FAM171A1: variants seen among roughly 807,000 people sequenced by gnomAD.
FAM171A1 encodes family with sequence similarity 171 member A1, also known as protein FAM171A1.
FAM171A1 carries 23 observed loss-of-function variants against 74.9 expected under a neutral mutation model. That is an observed-to-expected ratio of 0.31 (90% CI 0.22 to 0.44). FAM171A1 has a LOEUF of 0.44. Among genes scored for constraint, FAM171A1 ranks in the 20% least tolerant of loss-of-function variants. The pLI is 1.00. For missense variants in FAM171A1, 1,162 were observed against 1,159.2 expected, an observed-to-expected ratio of 1.00 and a Z score of -0.03; for synonymous variants, 527 against 505.7, an observed-to-expected ratio of 1.04 and a Z score of -0.57.
intron 5 of FAM171A1, 106 bp from the exon 6 acceptor site, chr10:15,221,166 G>T: frequency 3.3e-6 from 3 of 907,404 alleles, no homozygotes; most frequent in South Asian, 4.3e-5. Context: ...TCATGTTTAT[G>T]ACCTATAAGA....
chr10:15,248,775 G>T lies in FAM171A1; in HGVS notation c.618C>A (p.Val206=), dbSNP rs1180570170. The T allele has an allele frequency of 1.2e-6, 2 of 1,613,020 alleles. No individual in the cohort carries two copies. Among genetic ancestry groups the T allele is most frequent in the African/African-American group, 1.3e-5 (1 of 74,880 alleles). ...CATTACTGCTCAGCAAGTGGACGCTGACGGCTGTGACTGGGGTCAGGTCAT... is the reference window on the plus strand; with the variant it reads ...CATTACTGCTCAGCAAGTGGACGCTTACGGCTGTGACTGGGGTCAGGTCAT... ...TRHDLTPVTA[V]SVHLLSSNGT... is the part of the protein sequence containing the mutation. Residue 206 remains valine, a synonymous_variant, in exon 5 of 8, where the codon GTC becomes GTA. Coordinates refer to ENST00000378116, the MANE Select transcript of FAM171A1 (RefSeq NM_001010924.2).
At chr10:15,287,149 T>G (rs1320187395) in intron 1 of FAM171A1, among the ~76,000 whole-genome samples, 5 of 145,154 alleles carry the variant, frequency 3.4e-5, no homozygotes, top group Admixed American at 1.4e-4. Context: ...TAGAGTGCAG[T>G]GGTGCGATCT....
rs756202833 is a variant in FAM171A1, at chr10:15,213,842, G to T, written c.1746C>A (p.Val582=). Residue 582 remains valine, a synonymous_variant, in exon 8 of 8, where the codon GTC becomes GTA. Coordinates refer to ENST00000378116, the MANE Select transcript of FAM171A1 (RefSeq NM_001010924.2). The surrounding 1 kb of genome is among the most constrained non-coding windows in gnomAD (Gnocchi z 6.8). ...GGAGTTTCATATAATGAGCCGGGAT[G>T]ACCAAGGCAGGCAGTACTTTCCTGT... The part of the protein sequence containing the change: ...SVYRKVLPAL[V]IPAHYMKLPG... 2.5e-6 allele frequency: 4 copies of T among 1,614,166 alleles called. No individual in the cohort carries two copies. Among genetic ancestry groups the T allele is most frequent in the South Asian group, 2.2e-5 (2 of 91,076 alleles).
At chr10:15,277,851 C>T (rs780730428) in intron 2 of FAM171A1, among the ~76,000 whole-genome samples, 20 of 152,110 alleles carry the variant, frequency 1.3e-4, no homozygotes, top group Admixed American at 1.2e-3. Context: ...CTGCCTCCCA[C>T]GTTCAAGCTA....
intron 1 of FAM171A1, among the ~76,000 whole-genome samples, chr10:15,313,967 A>G (rs941416716): frequency 2.6e-5 from 4 of 152,226 alleles, no homozygotes; most frequent in African/African-American, 9.6e-5. Flanking sequence ...CGATCTGCAT[A>G]GTGCAAGGCA....
Position 15,272,690 on chromosome 10 carries a change from G to A in FAM171A1, c.418+3165C>T, listed in dbSNP as rs572335581. On this transcript the variant is annotated intron_variant, in intron 3 of 7. Transcript: ENST00000378116. ...AAAAGAACAGAAATTATAACAAATT[G>A]TCTCTCAGACCACAGTGCAATCAAA... 4.6e-5 allele frequency among the ~76,000 whole-genome samples: 7 copies of A among 152,264 alleles called. No homozygotes were observed. The East Asian group carries it at 5.8e-4, about 13-fold the overall frequency.
intron 1 of FAM171A1, among the ~76,000 whole-genome samples, chr10:15,323,281 C>T (rs529829332): frequency 1.6e-4 from 25 of 151,992 alleles, no homozygotes; most frequent in African/African-American, 5.5e-4. Flanking sequence ...GGTGAAACCC[C>T]GCCTCTACTA....
chr10:15,318,433 G>A (rs556508275), intron 1 of FAM171A1, among the ~76,000 whole-genome samples: 1 of 152,308 alleles, frequency 6.6e-6, no homozygotes, highest in East Asian at 1.9e-4. Flanking sequence ...CGTGCGGTAA[G>A]TCTATACAGA....
chr10:15,374,279 T>G (rs1836179504), upstream of FAM171A1, among the ~76,000 whole-genome samples: 1 of 152,158 alleles, frequency 6.6e-6, no homozygotes, highest in Non-Finnish European at 1.5e-5. Flanking sequence ...GTTAAACAAT[T>G]TGCATAGTAC....
intron 1 of FAM171A1, among the ~76,000 whole-genome samples, chr10:15,312,217 A>C (rs1835367222): frequency 6.6e-6 from 1 of 152,256 alleles, no homozygotes; most frequent in Non-Finnish European, 1.5e-5. Flanking sequence ...TGCTTATAAA[A>C]GTGAGCTTGA....
At chr10:15,316,013 G>A (rs1172649334) in intron 1 of FAM171A1, among the ~76,000 whole-genome samples, 1 of 152,082 alleles carries the variant, frequency 6.6e-6, no homozygotes, top group Non-Finnish European at 1.5e-5. Context: ...TTACACAGCA[G>A]GAAGGTTATG....
chr10:15,262,245 G>A (rs747072408), intron 3 of FAM171A1, among the ~76,000 whole-genome samples: 8 of 152,230 alleles, frequency 5.3e-5, no homozygotes, highest in Non-Finnish European at 1.0e-4. Context: ...GTATGGCCAT[G>A]GGTGCAGAGT....
intron 1 of FAM171A1, among the ~76,000 whole-genome samples, chr10:15,320,117 C>T (rs1042493685): frequency 3.9e-5 from 6 of 152,092 alleles, no homozygotes; most frequent in African/African-American, 1.4e-4. Flanking sequence ...TCTATCCTCA[C>T]CCTCCTCCCA....
chr10:15,314,209 C>A (rs1262988333), intron 1 of FAM171A1, among the ~76,000 whole-genome samples: 1 of 151,868 alleles, frequency 6.6e-6, no homozygotes, highest in Non-Finnish European at 1.5e-5. Context: ...GTTATTATAA[C>A]AAAGGGCTGA....
intron 1 of FAM171A1, among the ~76,000 whole-genome samples, chr10:15,310,829 T>TA (rs955191226): frequency 0.021 from 3,013 of 143,858 alleles, 97 homozygotes; most frequent in African/African-American, 0.071. Context: ...GACTCTGTCT[T>TA]AAAAAAAAAA....
chr10:15,369,996 C>T (rs1370510368), intron 1 of FAM171A1, among the ~76,000 whole-genome samples: 1 of 152,192 alleles, frequency 6.6e-6, no homozygotes, highest in Non-Finnish European at 1.5e-5. Context: ...CCTCAGTGGC[C>T]CTTTTGAAAA....
At chr10:15,338,962 CT>C (rs1165824114) in intron 1 of FAM171A1, among the ~76,000 whole-genome samples, 1 of 152,168 alleles carries the variant, frequency 6.6e-6, no homozygotes, top group Non-Finnish European at 1.5e-5. Context: ...TGGTCTTGAA[CT>C]CCTGACCTCA....
chr10:15,287,383 C>A (rs922806805), intron 1 of FAM171A1, among the ~76,000 whole-genome samples: 9 of 148,956 alleles, frequency 6.0e-5, no homozygotes, highest in Non-Finnish European at 1.2e-4. Context: ...TGACCCACCG[C>A]GCCGGCCTCT....
chr10:15,242,196 A>C (rs1218115538), intron 5 of FAM171A1, among the ~76,000 whole-genome samples: 2 of 152,106 alleles, frequency 1.3e-5, no homozygotes, highest in East Asian at 3.8e-4. Flanking sequence ...TCCTGATCTA[A>C]TACCGTCTTT....
Sources: allele counts gnomAD v4.1 joint callset (sites outside exome capture counted in the v4.1 genomes callset), GRCh38; gene constraint gnomAD v4.1.1; non-coding constraint Gnocchi (gnomAD v3.1); transcripts MANE v1.5; gene names NCBI Gene and HGNC (gene_info 2026-07-23, HGNC 2026-07-21).